FBRSL1: variants seen among roughly 807,000 people sequenced by gnomAD.
FBRSL1 encodes fibrosin-1-like protein.
Under a neutral mutation model 89.6 loss-of-function variants are expected in FBRSL1, and 51 were observed. The ratio of observed to expected loss-of-function variants is 0.57; its 90% CI spans 0.45 to 0.72. FBRSL1 has a LOEUF of 0.72. Among genes scored for constraint, FBRSL1 ranks in the 30% least tolerant of loss-of-function variants. FBRSL1 has a pLI of 0.00. For synonymous variants in FBRSL1, 779 were observed against 681.1 expected, an observed-to-expected ratio of 1.14 and a Z score of -2.24; for missense variants, 1,618 against 1,451.8, an observed-to-expected ratio of 1.11 and a Z score of -1.86.
chr12:132,535,108 C>A (rs895006232), intron 4 of FBRSL1, among the ~76,000 whole-genome samples: 5 of 152,192 alleles, frequency 3.3e-5, no homozygotes, highest in Admixed American at 1.3e-4. Flanking sequence ...GAGAACAGGC[C>A]GGGCTGCTGT....
intron 1 of FBRSL1, among the ~76,000 whole-genome samples, chr12:132,491,998 C>T (rs1417288996): frequency 6.6e-6 from 1 of 152,232 alleles, no homozygotes; most frequent in Non-Finnish European, 1.5e-5. Flanking sequence ...TAGATGGCTC[C>T]AGGGCTGGCA....
chr12:132,547,960 G>A, intron 4 of FBRSL1, 43 bp from the exon 5 acceptor site: 1 of 1,549,032 alleles, frequency 6.5e-7, no homozygotes, highest in South Asian at 1.2e-5. Flanking sequence ...GGTGACACTG[G>A]TTGGTGGGGC....
rs1387986713 is a variant in FBRSL1, at chr12:132,525,624, GGCCGGGGT to G, written c.490-107_490-100del. The G allele has an allele frequency of 3.5e-6, 3 of 864,504 alleles. No individual in the cohort carries two copies. In the African/African-American group the frequency reaches 5.1e-5, roughly 15 times the overall value. The allele number at this position is 864,504 out of a possible 1,614,324, so 53.6% of individuals were successfully genotyped here. ...GCCCAGCGGCTGTCGGGGCGCCTGG[GGCCGGGGT>G]GCTGGGGTGCCGGGAGCAGGCATGT... On this transcript the variant is annotated intron_variant, in intron 2 of 18. Transcript: ENST00000680143.
rs1339190638 is a variant in FBRSL1 at position 132,490,758 on chromosome 12, C to T, written c.188C>T (p.Thr63Ile). 9.0e-7 allele frequency: 1 copy of T among 1,105,878 alleles called. No homozygotes were observed. Among genetic ancestry groups the T allele is most frequent in the East Asian group, 5.2e-5 (1 of 19,414 alleles). 68.5% of individuals were successfully genotyped at this position (1,105,878 alleles called of 1,614,324 possible). The change falls in exon 1 of 19, where the codon ACC becomes ATC. Residue 63 changes from threonine to isoleucine, a missense_variant. Coordinates refer to ENST00000680143, the MANE Select transcript of FBRSL1 (RefSeq NM_001367871.1). Reference sequence around the variant, plus strand: ...CGAGGCGCCGCCCCCGCGCCCCGCACCGCGCGTCCCCCGCGCCGCCGCCGC... The same window carrying T: ...CGAGGCGCCGCCCCCGCGCCCCGCATCGCGCGTCCCCCGCGCCGCCGCCGC... ...PPRGAAPAPR[T>I]ARPPRRRRRE...
intron 2 of FBRSL1, among the ~76,000 whole-genome samples, chr12:132,524,140 T>TGGGGCA (rs2035592626): frequency 2.0e-5 from 3 of 152,320 alleles, no homozygotes; most frequent in African/African-American, 7.2e-5. Flanking sequence ...AAACTGAGGC[T>TGGGGCA]GGGGCAGGCC....
At position 132,524,264 on chromosome 12, in the gene FBRSL1, C is replaced by T. The variant is rs368533790; in HGVS notation, c.490-1470C>T. On this transcript the variant is annotated intron_variant, in intron 2 of 18. Coordinates refer to ENST00000680143, the MANE Select transcript of FBRSL1 (RefSeq NM_001367871.1). ...AGCCCACCACCCTGCCCCCGGCTCC[C>T]GCCCAGTAAGGCTCAGACTCCTCGG... Among the ~76,000 whole-genome samples, 18 of 152,376 alleles carry T rather than the reference C, an allele frequency of 1.2e-4. No homozygotes were observed. In the East Asian group the frequency reaches 1.5e-3, roughly 13 times the overall value.
chr12:132,507,338 G>A (rs962824318), intron 1 of FBRSL1: 13 of 985,354 alleles, frequency 1.3e-5, no homozygotes, highest in Admixed American at 6.1e-5. Context: ...TTGACGCGCC[G>A]TATCTGTCTG....
At chr12:132,513,424 G>A (rs924553102) in intron 2 of FBRSL1, among the ~76,000 whole-genome samples, 16 of 152,260 alleles carry the variant, frequency 1.1e-4, no homozygotes, top group African/African-American at 3.4e-4. Flanking sequence ...TGTCTTCCGG[G>A]GGGTGACAGT....
intron 5 of FBRSL1, among the ~76,000 whole-genome samples, chr12:132,558,953 C>G (rs902793614): frequency 2.0e-5 from 3 of 152,254 alleles, no homozygotes; most frequent in African/African-American, 7.2e-5. Context: ...CTGCCGGGTC[C>G]AGAGCTGCGC....
At chr12:132,551,398 C>T in intron 5 of FBRSL1, 1 of 456,150 alleles carries the variant, frequency 2.2e-6, no homozygotes, top group Non-Finnish European at 4.4e-6. Context: ...TGGGCGCTGA[C>T]CCAGCAGCCG....
intron 2 of FBRSL1, among the ~76,000 whole-genome samples, chr12:132,521,053 C>T (rs2035306970): frequency 6.6e-6 from 1 of 152,234 alleles, no homozygotes; most frequent in Admixed American, 6.5e-5. Flanking sequence ...CTGCAGTCCC[C>T]TGAGGCTGCT....
At position 132,584,553 on chromosome 12, in the gene FBRSL1, G is replaced by A. The variant is rs1011567362; in HGVS notation, c.*775G>A. On this transcript the variant is annotated 3_prime_UTR_variant, in exon 19 of 19. Transcript: ENST00000680143. ...CAGCAACTTTCCTTCAACTATGCAA[G>A]CGCTTCCCGGCGGCTCTGCTGGTTG... The A allele has an allele frequency of 6.6e-6, 1 of 152,188 alleles. No homozygotes were observed. 9.4% of individuals were successfully genotyped at this position (152,188 alleles called of 1,614,324 possible).
At chr12:132,568,050 C>T (rs941842188) in intron 6 of FBRSL1, among the ~76,000 whole-genome samples, 1 of 148,270 alleles carries the variant, frequency 6.7e-6, no homozygotes, top group Non-Finnish European at 1.5e-5. Flanking sequence ...GGGGTAGCCC[C>T]GGCGTCTTAG....
chr12:132,573,740 C>T (rs943342087), intron 11 of FBRSL1, among the ~76,000 whole-genome samples: 2 of 152,140 alleles, frequency 1.3e-5, no homozygotes, highest in African/African-American at 4.8e-5. Flanking sequence ...GGGAAACGAC[C>T]ATCTCCCCTT....
Position 132,583,645 on chromosome 12 carries a change from T to G in FBRSL1, c.2876T>G (p.Leu959Arg). Residue 959 changes from leucine to arginine, a missense_variant, in exon 19 of 19, where the codon CTG (leucine) becomes CGG (arginine). Leu to Arg is a moderately radical substitution (Grantham distance 102). Coordinates refer to ENST00000680143, the MANE Select transcript of FBRSL1 (RefSeq NM_001367871.1). ...GCCGCCCTCGGCGCACCGCCCCCCC[T>G]GGTGACGGCGGCCGGGCCCCCCACG... ...AAAALGAPPP[L>R]VTAAGPPTPP... The G allele has an allele frequency of 9.8e-7, 1 of 1,015,920 alleles. No individual in the cohort carries two copies. The highest frequency in any genetic ancestry group is 1.2e-6 in the Non-Finnish European group (1 of 849,706). 62.9% of individuals were successfully genotyped at this position (1,015,920 alleles called of 1,614,324 possible). A position where few individuals can be genotyped will look rare whatever the true frequency, so the allele number is the denominator to read the frequency against.
chr12:132,524,038 C>T (rs960052149), intron 2 of FBRSL1, among the ~76,000 whole-genome samples: 5 of 152,224 alleles, frequency 3.3e-5, no homozygotes, highest in Admixed American at 1.3e-4. Flanking sequence ...GTGCCGGCCC[C>T]GGGCTCTGCT....
rs149416908 is a variant in FBRSL1 at position 132,568,459 on chromosome 12, C to T, written c.691+933C>T. ...GGTGTCAGAAGGGGCGTGCATGGGA[C>T]GGGCCCCGGTAGGAGAGGCAGCTGG... is the stretch of plus-strand genomic sequence containing the variant. On this transcript the variant is annotated intron_variant, in intron 6 of 18. Transcript: ENST00000680143. 5.4e-3 allele frequency among the ~76,000 whole-genome samples: 828 copies of T among 152,356 alleles called. 3 individuals carry two copies. Among genetic ancestry groups the T allele is most frequent in the African/African-American group, 0.018 (757 of 41,580 alleles).
At chr12:132,542,676 C>T (rs942488459) in intron 4 of FBRSL1, among the ~76,000 whole-genome samples, 11 of 152,186 alleles carry the variant, frequency 7.2e-5, no homozygotes, top group Admixed American at 2.0e-4. Flanking sequence ...CTAGACCCTC[C>T]GCAGGACAGC....
At chr12:132,530,997 G>A (rs1029411648) in intron 4 of FBRSL1, among the ~76,000 whole-genome samples, 1 of 148,932 alleles carries the variant, frequency 6.7e-6, no homozygotes. Context: ...TCCAGTGTGG[G>A]GGGGGGGGTG....
Sources: gnomAD v4.1 joint callset for allele counts (sites outside exome capture counted in the v4.1 genomes callset) on GRCh38, gnomAD v4.1.1 for gene constraint, MANE v1.5 for transcripts, NCBI Gene and HGNC (gene_info 2026-07-23, HGNC 2026-07-21) for gene names.